SLC20A1: variants seen among roughly 807,000 people sequenced by gnomAD.
SLC20A1 encodes sodium-dependent phosphate transporter 1.
Under a neutral mutation model 62.7 loss-of-function variants are expected in SLC20A1, and 28 were observed. The observed-to-expected ratio is 0.45, with a 90% CI of 0.33 to 0.61. SLC20A1 has a LOEUF of 0.61. Ranked by LOEUF, SLC20A1 falls within the 20% of genes least tolerant of loss-of-function variation. The pLI is 0.02. For missense variants in SLC20A1, 673 were observed against 838.6 expected (o/e 0.80, Z 2.44); for synonymous variants, 305 against 302.9 (o/e 1.01, Z -0.07).
rs147689740 is a variant in SLC20A1 at position 112,660,479 on chromosome 2, A to G, written c.1700A>G (p.Tyr567Cys). 452 of 1,614,174 alleles carry G rather than the reference A, an allele frequency of 2.8e-4. 3 individuals carry two copies. The highest frequency in any genetic ancestry group is 8.2e-4 in the Middle Eastern group (5 of 6,062). Residue 567 changes from tyrosine to cysteine, a missense_variant, in exon 9 of 11, where the codon TAT (tyrosine) becomes TGT (cysteine). Physicochemically the swap from Tyr to Cys is radical, Grantham distance 194. Coordinates refer to ENST00000272542, the MANE Select transcript of SLC20A1 (RefSeq NM_005415.5). ...GCAACACCAATATGGCTTCTACTCT[A>G]TGGTGGTGTTGGTATCTGTGTTGGT... ...KVATPIWLLL[Y>C]GGVGICVGLW...
In SLC20A1 at chr2:112,651,064, A is replaced by G. The variant is rs562872876; in HGVS notation, c.562-1638A>G. Among the ~76,000 whole-genome samples, 244 of 152,236 alleles carry G rather than the reference A, an allele frequency of 1.6e-3. 1 individual carries two copies. The highest frequency in any genetic ancestry group is 5.5e-3 in the African/African-American group (229 of 41,556). ...TAACAGTTCTTGATTTCTGTATGCT[A>G]TTGTTTTTGTTTTGGCTATTTCACT... is the stretch of plus-strand genomic sequence containing the variant. On this transcript the variant is annotated intron_variant, in intron 4 of 10. Coordinates refer to ENST00000272542, the MANE Select transcript of SLC20A1 (RefSeq NM_005415.5).
chr2:112,659,626 G>C lies in SLC20A1; in HGVS notation c.1471G>C (p.Gly491Arg). The C allele has an allele frequency of 6.2e-7, 1 of 1,614,192 alleles. No homozygotes were observed. The highest frequency in any genetic ancestry group is 1.6e-4 in the Middle Eastern group (1 of 6,062). Reference protein sequence around the residue: ...DMSVKAEMGLGDRKGSNGSLE... With the variant: ...DMSVKAEMGLRDRKGSNGSLE... ...GAGTGTCAAGGCAGAGATGGGTCTA[G>C]GTGACAGAAAAGGAAGTAATGGCTC... Residue 491 changes from glycine (G) to arginine (R), a missense_variant, in exon 8 of 11, where the codon GGT becomes CGT. Gly to Arg is a moderately radical substitution (Grantham distance 125). Transcript: ENST00000272542.
At chr2:112,655,333 A>G (rs1020794191) in intron 5 of SLC20A1, among the ~76,000 whole-genome samples, 4 of 152,028 alleles carry the variant, frequency 2.6e-5, no homozygotes, top group African/African-American at 9.7e-5. Flanking sequence ...TATAAGTACA[A>G]ACAGTCCCTG....
chr2:112,657,619 T>TA (rs1686627994), intron 6 of SLC20A1, among the ~76,000 whole-genome samples: 1 of 152,200 alleles, frequency 6.6e-6, no homozygotes, highest in Non-Finnish European at 1.5e-5. Flanking sequence ...AAGGGGTAGA[T>TA]ACAAGATATT....
intron 6 of SLC20A1, chr2:112,658,347 C>T (rs1186189620): frequency 6.5e-6 from 1 of 153,400 alleles, no homozygotes; most frequent in African/African-American, 2.4e-5. Flanking sequence ...CTTTAGTTCC[C>T]TGCATTGAGC....
At chr2:112,656,610 AG>A (rs1457008638) in intron 5 of SLC20A1, among the ~76,000 whole-genome samples, 1 of 152,198 alleles carries the variant, frequency 6.6e-6, no homozygotes. Flanking sequence ...ATCTCATTAA[AG>A]CATTTTACTA....
intron 10 of SLC20A1, among the ~76,000 whole-genome samples, chr2:112,661,836 A>G (rs1007735011): frequency 6.6e-6 from 1 of 152,170 alleles, no homozygotes; most frequent in Non-Finnish European, 1.5e-5. Context: ...TGCGTGAGCC[A>G]CCGCGCCCGG....
chr2:112,647,803 G>A, intron 4 of SLC20A1, 65 bp downstream of exon 4: 1 of 1,325,702 alleles, frequency 7.5e-7, no homozygotes, highest in South Asian at 1.2e-5. Context: ...AAACCCAGTG[G>A]TACTTTTGCA....
intron 5 of SLC20A1, among the ~76,000 whole-genome samples, chr2:112,655,517 T>C (rs543299118): frequency 5.7e-4 from 55 of 97,108 alleles, no homozygotes; most frequent in African/African-American, 1.7e-3. Context: ...ATAATATCTT[T>C]TATGGGTTTT....
rs993072128 is a variant in SLC20A1 at position 112,652,628 on chromosome 2, C to T, written c.562-74C>T. On this transcript the variant is annotated intron_variant, in intron 4 of 10. Coordinates refer to ENST00000272542, the MANE Select transcript of SLC20A1 (RefSeq NM_005415.5). The stretch of plus-strand genomic sequence containing the variant: ...TTGGCACTATAATTCCCAAACCTAC[C>T]CTGTTAAAAGATTCTGTGGAAATGG... The T allele has an allele frequency of 2.8e-5, 34 of 1,195,410 alleles. No individual in the cohort carries two copies. The African/African-American group carries it at 5.1e-4, about 18-fold the overall frequency. The allele number at this position is 1,195,410 out of a possible 1,614,324, so 74.1% of individuals were successfully genotyped here.
intron 5 of SLC20A1, among the ~76,000 whole-genome samples, chr2:112,655,523 G>GTTT (rs35686702): frequency 2.5e-4 from 34 of 136,198 alleles, no homozygotes; most frequent in Non-Finnish European, 5.0e-4. Flanking sequence ...TCTTTTATGG[G>GTTT]TTTTTTTTTT....
intron 5 of SLC20A1, among the ~76,000 whole-genome samples, chr2:112,653,849 A>G (rs976197096): frequency 2.0e-5 from 3 of 152,060 alleles, no homozygotes; most frequent in African/African-American, 7.2e-5. Context: ...CTGGAGTGCA[A>G]TGGCATGATC....
chr2:112,660,742 G>T, intron 9 of SLC20A1, 170 bp downstream of exon 9: 4 of 634,326 alleles, frequency 6.3e-6, no homozygotes, highest in African/African-American at 1.9e-5. Flanking sequence ...TAAACATTTT[G>T]GTCAGACATT....
chr2:112,660,078 A>T (rs1318638617), intron 8 of SLC20A1, among the ~76,000 whole-genome samples: 2 of 152,222 alleles, frequency 1.3e-5, no homozygotes, highest in Non-Finnish European at 2.9e-5. Context: ...GAAAAACTTA[A>T]AAGTTTTTCA....
At position 112,656,188 on chromosome 2, in the gene SLC20A1, CTTTTTT is replaced by C. The variant is rs367841545; in HGVS notation, c.659-914_659-909del. Among the ~76,000 whole-genome samples, 439 of 90,606 alleles carry C rather than the reference CTTTTTT, an allele frequency of 4.8e-3. 1 individual carries two copies. Among genetic ancestry groups the C allele is most frequent in the Admixed American group, 6.2e-3 (48 of 7,700 alleles). The allele number at this position is 90,606 out of a possible 152,430, so 59.4% of individuals were successfully genotyped here. A position where few individuals can be genotyped will look rare whatever the true frequency, so the allele number is the denominator to read the frequency against. On this transcript the variant is annotated intron_variant, in intron 5 of 10. Coordinates refer to ENST00000272542, the MANE Select transcript of SLC20A1 (RefSeq NM_005415.5). ...AACTTTGTGTGTGAGAAAGACAAAA[CTTTTTT>C]TTTTTTTTTTTTTTTTTTTGAGACA...
At position 112,660,426 on chromosome 2, in the gene SLC20A1, T is replaced by C. The variant is rs568687221; in HGVS notation, c.1647T>C (p.Tyr549=). The change falls in exon 9 of 11, where the codon TAT becomes TAC. Residue 549 remains tyrosine (Y), a synonymous_variant. Coordinates refer to ENST00000272542, the MANE Select transcript of SLC20A1 (RefSeq NM_005415.5). ...CTCTGGTTGCTTTATATTTGGTTTA[T>C]GACACAGGAGATGTTTCTTCAAAAG... ...IGPLVALYLV[Y]DTGDVSSKVA... The C allele has an allele frequency of 3.1e-6, 5 of 1,614,220 alleles. No individual in the cohort carries two copies. The African/African-American group carries it at 6.7e-5, about 22-fold the overall frequency.
At chr2:112,657,932 A>G (rs1052667524) in intron 6 of SLC20A1, among the ~76,000 whole-genome samples, 2 of 152,082 alleles carry the variant, frequency 1.3e-5, no homozygotes, top group African/African-American at 4.8e-5. Flanking sequence ...TAAAATAATC[A>G]TTTTCTGCCC....
intron 4 of SLC20A1, among the ~76,000 whole-genome samples, chr2:112,649,015 A>G (rs114470306): frequency 0.015 from 2,240 of 152,292 alleles, 53 homozygotes; most frequent in African/African-American, 0.051. Context: ...TGCTTGGTAA[A>G]GGTTTATGCT....
At position 112,646,814 on chromosome 2, in the gene SLC20A1, C is replaced by T; in HGVS notation, c.-15C>T. On this transcript the variant is annotated 5_prime_UTR_variant, in exon 2 of 11. Transcript: ENST00000272542. ...GCTCAGTAGTTCTCTTACTAAACAA[C>T]CACTACTCCAGAGAATGGCAACGCT... 6.3e-7 allele frequency: 1 copy of T among 1,589,564 alleles called. No homozygotes were observed. The highest frequency in any genetic ancestry group is 8.6e-7 in the Non-Finnish European group (1 of 1,163,634).
Sources: allele counts gnomAD v4.1 joint callset (sites outside exome capture counted in the v4.1 genomes callset), GRCh38; gene constraint gnomAD v4.1.1; transcripts MANE v1.5; gene names NCBI Gene and HGNC (gene_info 2026-07-23, HGNC 2026-07-21).